The following MYO16 variants were observed in gnomAD, a reference collection of about 807,000 sequenced individuals.
The protein encoded by MYO16 is unconventional myosin-XVI.
MYO16 carries 94 observed loss-of-function variants against 205.3 expected under a neutral mutation model. The observed-to-expected ratio is 0.46, with a 90% CI of 0.39 to 0.54. The LOEUF (loss-of-function observed/expected upper bound fraction) is 0.54, where lower values mean the gene tolerates loss of function less well. Ranked by LOEUF, MYO16 falls within the 20% of genes least tolerant of loss-of-function variation. The pLI, the probability that MYO16 is intolerant of heterozygous loss-of-function variation, is 0.00. For synonymous variants in MYO16, 988 were observed against 954.0 expected (o/e 1.04, Z -0.66); for missense variants, 2,315 against 2,387.5 (o/e 0.97, Z 0.63).
At chr13:109,056,184 CTGTT>C (rs1887414038) in intron 27 of MYO16, 1 of 153,376 alleles carries the variant, frequency 6.5e-6, no homozygotes, top group Non-Finnish European at 1.5e-5. Flanking sequence ...TTGTTGACCT[CTGTT>C]TTCAGTAAAT....
chr13:108,848,538 T>C (rs1877641897), intron 10 of MYO16, among the ~76,000 whole-genome samples: 1 of 152,170 alleles, frequency 6.6e-6, no homozygotes, highest in South Asian at 2.1e-4. Context: ...GAGTGGTGGC[T>C]TACTCCAATG....
At chr13:108,662,380 G>A (rs1430235018) in intron 1 of MYO16, among the ~76,000 whole-genome samples, 2 of 152,204 alleles carry the variant, frequency 1.3e-5, no homozygotes, top group East Asian at 1.9e-4. Flanking sequence ...CACTACCAGG[G>A]TGGATAGGGA....
At chr13:109,078,916 G>A (rs1016497620) in intron 27 of MYO16, among the ~76,000 whole-genome samples, 3 of 152,062 alleles carry the variant, frequency 2.0e-5, no homozygotes, top group African/African-American at 4.8e-5. Context: ...CACTCTGGTC[G>A]TCCTTTTCTG....
At chr13:108,950,302 T>C (rs916778953) in intron 16 of MYO16, among the ~76,000 whole-genome samples, 1 of 152,122 alleles carries the variant, frequency 6.6e-6, no homozygotes, top group Non-Finnish European at 1.5e-5. Context: ...AGGACTAATA[T>C]TTAGAATATA....
the MYO16 span, among the ~76,000 whole-genome samples, chr13:108,546,033 A>T: frequency 6.6e-6 from 1 of 152,170 alleles, no homozygotes; most frequent in South Asian, 2.1e-4. Flanking sequence ...ACCTTTGGCC[A>T]TGTGGTCCAG....
At chr13:108,561,647 A>G in the MYO16 span, among the ~76,000 whole-genome samples, 1 of 152,246 alleles carries the variant, frequency 6.6e-6, no homozygotes, top group East Asian at 1.9e-4. Context: ...AACTGATGCT[A>G]TAGATTAAAT....
the MYO16 span, among the ~76,000 whole-genome samples, chr13:108,495,923 A>G: frequency 6.6e-6 from 1 of 151,884 alleles, no homozygotes; most frequent in South Asian, 2.1e-4. Context: ...CTTCTCCGGC[A>G]GGTAGGGGCG....
intron 2 of MYO16, among the ~76,000 whole-genome samples, chr13:108,696,082 A>G (rs1351423208): frequency 6.6e-6 from 1 of 152,190 alleles, no homozygotes; most frequent in Non-Finnish European, 1.5e-5. Flanking sequence ...TCAATAATCC[A>G]TGGACGATAG....
chr13:108,576,926 A>T, the MYO16 span, among the ~76,000 whole-genome samples: 1 of 151,962 alleles, frequency 6.6e-6, no homozygotes, highest in Non-Finnish European at 1.5e-5. Flanking sequence ...ACATCTGGCT[A>T]ATTTTAAAAT....
chr13:108,503,861 G>A, the MYO16 span, among the ~76,000 whole-genome samples: 1 of 151,986 alleles, frequency 6.6e-6, no homozygotes. Context: ...TTTAAAAAAA[G>A]CCAGATAAAA....
chr13:109,021,089 A>G (rs1161821459), intron 23 of MYO16, among the ~76,000 whole-genome samples: 3 of 152,150 alleles, frequency 2.0e-5, no homozygotes, highest in Non-Finnish European at 2.9e-5. Context: ...CTCACTAATT[A>G]TAAAAGAGAA....
chr13:108,915,963 T>C (rs926465923), intron 16 of MYO16, among the ~76,000 whole-genome samples: 3 of 152,132 alleles, frequency 2.0e-5, no homozygotes, highest in African/African-American at 7.2e-5. Flanking sequence ...CCGTGAAGGT[T>C]TGGTTTCTGC....
At chr13:108,629,480 G>T, upstream of MYO16, 1 of 200,696 alleles carries the variant, frequency 5.0e-6, no homozygotes, top group Non-Finnish European at 1.0e-5. Context: ...AGGCAGGACC[G>T]GGAGAGCCGC....
intron 7 of MYO16, among the ~76,000 whole-genome samples, chr13:108,810,572 C>G (rs559393179): frequency 6.6e-6 from 1 of 152,176 alleles, no homozygotes; most frequent in South Asian, 2.1e-4. Context: ...AAATTGTTCT[C>G]TCAAAAAGAT....
the MYO16 span, among the ~76,000 whole-genome samples, chr13:108,580,246 C>A: frequency 7.9e-5 from 12 of 152,300 alleles, 1 homozygote; most frequent in Middle Eastern, 0.01. Context: ...GGTCCAGTGT[C>A]TCTCTTTACT....
chr13:108,816,835 G>A (rs1443090112), intron 7 of MYO16, among the ~76,000 whole-genome samples: 3 of 152,014 alleles, frequency 2.0e-5, no homozygotes, highest in Admixed American at 6.6e-5. Flanking sequence ...ACATATATCC[G>A]AAAAATTCAT....
In MYO16 at chr13:108,957,782, G is replaced by A; in HGVS notation, c.2020G>A (p.Val674Ile). ...LAVLKRALNV[V>I]GFSSLEVENL... ...TGTTTTGAAACGAGCCCTGAATGTA[G>A]TTGGCTTCAGCAGCTTGGTGAGTCA... Residue 674 changes from valine to isoleucine, a missense_variant, in exon 17 of 35, where the codon GTT (valine) becomes ATT (isoleucine). Val to Ile is a conservative substitution (Grantham distance 29). Transcript: ENST00000457511. The A allele has an allele frequency of 1.2e-6, 2 of 1,613,606 alleles. No homozygotes were observed. Among genetic ancestry groups the A allele is most frequent in the Non-Finnish European group, 8.5e-7 (1 of 1,179,564 alleles).
chr13:109,180,957 G>C (rs776440577), intron 34 of MYO16, among the ~76,000 whole-genome samples: 3 of 152,140 alleles, frequency 2.0e-5, no homozygotes, highest in African/African-American at 4.8e-5. Context: ...TGGGCCATCT[G>C]ACATCCTTTC....
chr13:108,900,013 G>A (rs916694624), intron 15 of MYO16, among the ~76,000 whole-genome samples: 1 of 152,212 alleles, frequency 6.6e-6, no homozygotes, highest in African/African-American at 2.4e-5. Context: ...CTAGTGCAAG[G>A]AGGAGAAGCT....
Sources: gnomAD v4.1 joint callset for allele counts (sites outside exome capture counted in the v4.1 genomes callset) on GRCh38, gnomAD v4.1.1 for gene constraint, MANE v1.5 for transcripts, NCBI Gene and HGNC (gene_info 2026-07-23, HGNC 2026-07-21) for gene names.